Variants in CCDC149 observed in about 807,000 individuals in gnomAD.
CCDC149 encodes coiled-coil domain containing 149.
In CCDC149, 45 loss-of-function variants were observed where a neutral mutation model predicts 59.9. The observed-to-expected ratio is 0.75, with a 90% confidence interval of 0.59 to 0.96. CCDC149 has a LOEUF of 0.96. Ranked by LOEUF, CCDC149 falls within the 40% of genes least tolerant of loss-of-function variation. The pLI is 0.00. For synonymous variants in CCDC149, 245 were observed against 260.6 expected (o/e 0.94, Z 0.58); for missense variants, 584 against 664.7 (o/e 0.88, Z 1.33).
intron 1 of CCDC149, among the ~76,000 whole-genome samples, chr4:24,897,164 G>T (rs1239142849): frequency 6.6e-6 from 1 of 152,162 alleles, no homozygotes; most frequent in South Asian, 2.1e-4. Flanking sequence ...CTGGGGGCAA[G>T]AGAGCTGTGA....
At chr4:24,916,787 G>GGGGTGTGTGTGTGT (rs145861125), upstream of CCDC149, among the ~76,000 whole-genome samples, 1 of 141,922 alleles carries the variant, frequency 7.0e-6, no homozygotes, top group Non-Finnish European at 1.5e-5. Flanking sequence ...GGTTTATAAT[G>GGGGTGTGTGTGTGT]GTGTGTGTGT....
intron 4 of CCDC149, among the ~76,000 whole-genome samples, chr4:24,851,668 G>T (rs991580886): frequency 1.3e-5 from 2 of 152,142 alleles, no homozygotes; most frequent in African/African-American, 4.8e-5. Flanking sequence ...TATTTCATGG[G>T]TTTATAAACT....
At chr4:24,896,323 G>T (rs1720843685) in intron 1 of CCDC149, among the ~76,000 whole-genome samples, 1 of 152,160 alleles carries the variant, frequency 6.6e-6, no homozygotes, top group East Asian at 1.9e-4. Flanking sequence ...CCCAACTTTT[G>T]GCAGAGTGCC....
intron 1 of CCDC149, among the ~76,000 whole-genome samples, chr4:24,953,726 T>C (rs2109356744): frequency 6.6e-6 from 1 of 152,320 alleles, no homozygotes; most frequent in Admixed American, 6.5e-5. Context: ...ATGCCAGCTC[T>C]ACTTGCCAAA....
chr4:24,964,958 G>T (rs1448673153), intron 1 of CCDC149, among the ~76,000 whole-genome samples: 1 of 151,082 alleles, frequency 6.6e-6, no homozygotes, highest in Admixed American at 6.6e-5. Context: ...TGCAAATTTT[G>T]TCTGATGAAA....
chr4:24,902,261 G>A (rs979062449), intron 1 of CCDC149, among the ~76,000 whole-genome samples: 22 of 152,132 alleles, frequency 1.4e-4, no homozygotes, highest in East Asian at 7.7e-4. Flanking sequence ...ATATCATCAC[G>A]GCCTGGCATA....
chr4:24,850,856 T>C (rs946323234), intron 4 of CCDC149, among the ~76,000 whole-genome samples: 3 of 151,668 alleles, frequency 2.0e-5, no homozygotes, highest in Non-Finnish European at 4.4e-5. Context: ...CTGGTGGGGG[T>C]TGGGGGAAGG....
intron 3 of CCDC149, among the ~76,000 whole-genome samples, chr4:24,860,100 A>G (rs1256659488): frequency 1.3e-5 from 2 of 152,172 alleles, no homozygotes; most frequent in African/African-American, 4.8e-5. Flanking sequence ...CAATCCTAAC[A>G]TTCATATGGA....
chr4:24,927,558 C>T (rs1475963057), intron 1 of CCDC149, among the ~76,000 whole-genome samples: 3 of 152,162 alleles, frequency 2.0e-5, no homozygotes, highest in South Asian at 2.1e-4. Flanking sequence ...ATAGTTGTAA[C>T]GTTGATTAAA....
intron 3 of CCDC149, among the ~76,000 whole-genome samples, chr4:24,856,154 G>A (rs1218282258): frequency 3.5e-5 from 2 of 57,246 alleles, no homozygotes; most frequent in Admixed American, 4.3e-4. Context: ...TAAATGCAGC[G>A]AAGGCCTCTC....
At chr4:24,859,066 G>C (rs1172688894) in intron 3 of CCDC149, among the ~76,000 whole-genome samples, 1 of 152,160 alleles carries the variant, frequency 6.6e-6, no homozygotes, top group East Asian at 1.9e-4. Context: ...TTAAAATACG[G>C]ACAGTCCCTG....
intron 1 of CCDC149, among the ~76,000 whole-genome samples, chr4:24,892,367 T>C (rs1351252123): frequency 1.3e-5 from 2 of 152,210 alleles, no homozygotes; most frequent in African/African-American, 2.4e-5. Flanking sequence ...AAGAAGGCTT[T>C]TAGCCCAGTA....
At chr4:24,819,832 A>T (rs1354717270) in intron 12 of CCDC149, 27 bp downstream of exon 12, 1 of 1,491,446 alleles carries the variant, frequency 6.7e-7, no homozygotes, top group Non-Finnish European at 9.2e-7. Context: ...AGTCCAGGTA[A>T]AGATGGAGAA....
At chr4:24,846,347 C>G (rs1164504444) in intron 4 of CCDC149, among the ~76,000 whole-genome samples, 1 of 152,122 alleles carries the variant, frequency 6.6e-6, no homozygotes, top group African/African-American at 2.4e-5. Flanking sequence ...CTATAGTGCC[C>G]CAAGGCGAGA....
chr4:24,900,649 A>G (rs556684475), intron 1 of CCDC149, among the ~76,000 whole-genome samples: 1 of 152,262 alleles, frequency 6.6e-6, no homozygotes, highest in African/African-American at 2.4e-5. Flanking sequence ...ACACAGAGAT[A>G]CAGCTCCTCT....
intron 3 of CCDC149, among the ~76,000 whole-genome samples, chr4:24,862,227 T>G (rs887692077): frequency 1.3e-5 from 2 of 152,176 alleles, no homozygotes; most frequent in Non-Finnish European, 2.9e-5. Flanking sequence ...CCCTAAGACC[T>G]GACGAGAAAT....
rs897520473 is a variant in CCDC149, at chr4:24,819,725, G to A, written c.1192+134C>T. The stretch of plus-strand genomic sequence containing the variant: ...AGATGAACCCACATAAGCAACAAGA[G>A]GAAATCTGAGGAATGTCCCAATGAT... On this transcript the variant is annotated intron_variant, in intron 12 of 12. Transcript: ENST00000635206. 1.5e-5 allele frequency: 11 copies of A among 731,958 alleles called. No individual in the cohort carries two copies. The Admixed American group carries it at 2.3e-4, about 15-fold the overall frequency. The allele number at this position is 731,958 out of a possible 1,614,324, so 45.3% of individuals were successfully genotyped here. A position where few individuals can be genotyped will look rare whatever the true frequency, so the allele number is the denominator to read the frequency against.
rs1363180145 is a variant in CCDC149 at position 24,912,840 on chromosome 4, C to T, written c.40G>A (p.Asp14Asn). The change falls in exon 1 of 13, where the codon GAC becomes AAC. Residue 14 changes from aspartate to asparagine, a missense_variant. Transcript: ENST00000635206. ...ACCTCGCTCACCAGCCCCTGCCAGTCGCTCTCAGTCCGGTCGCCGTTCATG... is the reference window on the plus strand; with the variant it reads ...ACCTCGCTCACCAGCCCCTGCCAGTTGCTCTCAGTCCGGTCGCCGTTCATG... 3 of 1,374,618 alleles carry T rather than the reference C, an allele frequency of 2.2e-6. No homozygotes were observed. The highest frequency in any genetic ancestry group is 2.9e-6 in the Non-Finnish European group (3 of 1,049,322). The allele number at this position is 1,374,618 out of a possible 1,614,324, so 85.2% of individuals were successfully genotyped here. A position where few individuals can be genotyped will look rare whatever the true frequency, so the allele number is the denominator to read the frequency against.
intron 1 of CCDC149, among the ~76,000 whole-genome samples, chr4:24,947,464 A>G (rs1380070048): frequency 6.6e-6 from 1 of 152,168 alleles, no homozygotes; most frequent in East Asian, 1.9e-4. Flanking sequence ...TTTTCTTTAT[A>G]AATTACCCAG....
Sources: allele counts gnomAD v4.1 joint callset (sites outside exome capture counted in the v4.1 genomes callset), GRCh38; gene constraint gnomAD v4.1.1; transcripts MANE v1.5; gene names NCBI Gene and HGNC (gene_info 2026-07-23, HGNC 2026-07-21).